TRAF1: variants seen among roughly 807,000 people sequenced by gnomAD.
The protein encoded by TRAF1 is TNF receptor-associated factor 1.
A neutral mutation model predicts 40.9 loss-of-function variants in TRAF1; 23 were observed. That is an observed-to-expected ratio of 0.56 (90% CI 0.40 to 0.80). TRAF1 has a LOEUF of 0.80. Among genes scored for constraint, TRAF1 ranks in the 30% least tolerant of loss-of-function variants. The pLI is 0.00. For missense variants in TRAF1, 477 were observed against 528.7 expected (o/e 0.90, Z 0.96); for synonymous variants, 206 against 218.8 (o/e 0.94, Z 0.52).
chr9:120,922,727 T>A (rs1231887102), intron 3 of TRAF1, among the ~76,000 whole-genome samples: 3 of 152,210 alleles, frequency 2.0e-5, no homozygotes, highest in Non-Finnish European at 4.4e-5. Flanking sequence ...ACCATCTAGA[T>A]GAGGAGTTTG....
Position 120,903,239 on chromosome 9 carries a change from G to C in TRAF1, c.*1781C>G, listed in dbSNP as rs1205246462. On this transcript the variant is annotated 3_prime_UTR_variant, in exon 8 of 8. Coordinates refer to ENST00000373887, the MANE Select transcript of TRAF1 (RefSeq NM_005658.5). ...AAGCAGCCCCAGAATGTTTGCTGCT[G>C]TCGTGCATGGACGACACCATTGCAC... 6.6e-6 allele frequency: 1 copy of C among 152,266 alleles called. No homozygotes were observed. The highest frequency in any genetic ancestry group is 6.5e-5 in the Admixed American group (1 of 15,280). 9.4% of individuals were successfully genotyped at this position (152,266 alleles called of 1,614,324 possible). A position where few individuals can be genotyped will look rare whatever the true frequency, so the allele number is the denominator to read the frequency against.
Position 120,916,368 on chromosome 9 carries a change from A to G in TRAF1, c.229-2068T>C, listed in dbSNP as rs183859665. On this transcript the variant is annotated intron_variant, in intron 3 of 7. Transcript: ENST00000373887. ...GCAGAAACATTTGCCATTTGACTGTAGTGGCGGTTACATGATTATTTATAT... is the reference window on the plus strand; with the variant it reads ...GCAGAAACATTTGCCATTTGACTGTGGTGGCGGTTACATGATTATTTATAT... Among the ~76,000 whole-genome samples, 4 of 152,342 alleles carry G rather than the reference A, an allele frequency of 2.6e-5. No individual in the cohort carries two copies. The East Asian group carries it at 7.7e-4, about 29-fold the overall frequency.
intron 3 of TRAF1, among the ~76,000 whole-genome samples, chr9:120,916,751 G>A (rs112664951): frequency 0.019 from 2,479 of 129,572 alleles, 33 homozygotes; most frequent in Non-Finnish European, 0.028. Context: ...ATAGAAAACA[G>A]ATGTTCTATG....
chr9:120,928,914 C>G (rs1412687535), upstream of TRAF1: 1 of 152,410 alleles, frequency 6.6e-6, no homozygotes, highest in Non-Finnish European at 1.5e-5. Context: ...AGGAATGAGC[C>G]CCTGCGGGGC....
At chr9:120,916,445 T>C (rs1402684111) in intron 3 of TRAF1, among the ~76,000 whole-genome samples, 2 of 152,116 alleles carry the variant, frequency 1.3e-5, no homozygotes, top group Non-Finnish European at 2.9e-5. Context: ...ATAAATAAAA[T>C]CTTGATTCTA....
At chr9:120,924,392 C>T (rs945499049) in intron 2 of TRAF1, among the ~76,000 whole-genome samples, 13 of 152,062 alleles carry the variant, frequency 8.5e-5, no homozygotes, top group Non-Finnish European at 1.3e-4. Flanking sequence ...CCTGGGTACC[C>T]GTGGGTTTTT....
intron 3 of TRAF1, among the ~76,000 whole-genome samples, chr9:120,917,036 A>G (rs2046574274): frequency 6.6e-6 from 1 of 152,210 alleles, no homozygotes. Flanking sequence ...TGATCAAGCT[A>G]AGAGTGAAAT....
chr9:120,904,813 T>G lies in TRAF1; in HGVS notation c.*207A>C, dbSNP rs1474987426. 5 of 608,146 alleles carry G rather than the reference T, an allele frequency of 8.2e-6. 1 individual carries two copies. In the Admixed American group the frequency reaches 1.5e-4, roughly 18 times the overall value. 37.7% of individuals were successfully genotyped at this position (608,146 alleles called of 1,614,324 possible). On this transcript the variant is annotated 3_prime_UTR_variant, in exon 8 of 8. Coordinates refer to ENST00000373887, the MANE Select transcript of TRAF1 (RefSeq NM_005658.5). ...AGGGGAGCAGCTCTGCCTGTCTCCT[T>G]CTGGACCCTTTGCCTTTGTGGGCCC...
chr9:120,908,959 G>A (rs1317641922), intron 7 of TRAF1, among the ~76,000 whole-genome samples: 1 of 152,070 alleles, frequency 6.6e-6, no homozygotes, highest in Non-Finnish European at 1.5e-5. Context: ...GTCTCCCAAA[G>A]TGCTGGGATT....
intron 3 of TRAF1, among the ~76,000 whole-genome samples, chr9:120,921,859 A>G (rs1390457132): frequency 6.6e-6 from 1 of 152,042 alleles, no homozygotes; most frequent in Non-Finnish European, 1.5e-5. Flanking sequence ...AGGTGTGGAC[A>G]CTCGCCTGCC....
At chr9:120,915,720 G>T (rs973175099) in intron 3 of TRAF1, among the ~76,000 whole-genome samples, 4 of 151,980 alleles carry the variant, frequency 2.6e-5, no homozygotes, top group African/African-American at 9.7e-5. Context: ...TATAGTCCCA[G>T]CTACTTGGGA....
intron 7 of TRAF1, among the ~76,000 whole-genome samples, chr9:120,908,663 G>A (rs1446009689): frequency 6.6e-6 from 1 of 152,034 alleles, no homozygotes; most frequent in Non-Finnish European, 1.5e-5. Context: ...AGGTTCTAGC[G>A]ATTCTCCTGC....
intron 3 of TRAF1, among the ~76,000 whole-genome samples, chr9:120,920,899 G>A (rs1163217754): frequency 3.3e-5 from 5 of 152,178 alleles, no homozygotes. Flanking sequence ...ATGCAAAGTG[G>A]TGACTTATCA....
intron 3 of TRAF1, among the ~76,000 whole-genome samples, chr9:120,919,678 C>T (rs1037327758): frequency 6.6e-6 from 1 of 152,160 alleles, no homozygotes; most frequent in African/African-American, 2.4e-5. Context: ...TGTAACTGGG[C>T]CGGTTTACTC....
Position 120,903,383 on chromosome 9 carries a change from C to T in TRAF1, c.*1637G>A, listed in dbSNP as rs2046454358. 6.6e-6 allele frequency: 1 copy of T among 152,290 alleles called. No homozygotes were observed. The highest frequency in any genetic ancestry group is 2.1e-4 in the South Asian group (1 of 4,834). The allele number at this position is 152,290 out of a possible 1,614,324, so 9.4% of individuals were successfully genotyped here. ...TGAAGGACTAAGCATGACAGGATGC[C>T]AGGCTTAGAGCCCAGCTGGCCTGGG... On this transcript the variant is annotated 3_prime_UTR_variant, in exon 8 of 8. Transcript: ENST00000373887.
In TRAF1 at chr9:120,923,394, C is replaced by A. The variant is rs115228420; in HGVS notation, c.228+311G>T. On this transcript the variant is annotated intron_variant, in intron 3 of 7. Transcript: ENST00000373887. ...CCTATCATTCTTCTGATTTTTTCAA[C>A]CATTTGAAAATATAAAAACCACTCT... 7.7e-3 allele frequency among the ~76,000 whole-genome samples: 1,171 copies of A among 152,252 alleles called. 21 individuals carry two copies. Among genetic ancestry groups the A allele is most frequent in the African/African-American group, 0.027 (1,109 of 41,546 alleles).
intron 7 of TRAF1, among the ~76,000 whole-genome samples, chr9:120,905,874 A>T (rs1411680409): frequency 6.6e-6 from 1 of 152,220 alleles, no homozygotes; most frequent in African/African-American, 2.4e-5. Context: ...CAACTGAAGC[A>T]TCCTCACCCT....
intron 3 of TRAF1, among the ~76,000 whole-genome samples, chr9:120,916,461 G>C (rs1003338207): frequency 1.3e-5 from 2 of 152,000 alleles, no homozygotes; most frequent in Non-Finnish European, 2.9e-5. Context: ...TTCTATAAGC[G>C]CTTTGTTATT....
chr9:120,914,530 A>G (rs2131626702), intron 3 of TRAF1: 1 of 1,174,652 alleles, frequency 8.5e-7, no homozygotes, highest in Non-Finnish European at 1.1e-6. Context: ...CAGCACTGCT[A>G]TTTCTCCTGT....
Sources: allele counts gnomAD v4.1 joint callset (sites outside exome capture counted in the v4.1 genomes callset), GRCh38; gene constraint gnomAD v4.1.1; transcripts MANE v1.5; gene names NCBI Gene and HGNC (gene_info 2026-07-23, HGNC 2026-07-21).